Variants in BORCS5 observed in about 807,000 individuals in gnomAD.
BORCS5 encodes the protein BLOC-1-related complex subunit 5.
BORCS5 carries 17 observed loss-of-function variants against 22.1 expected under a neutral mutation model. The observed-to-expected ratio is 0.77, with a 90% CI of 0.53 to 1.15. The LOEUF is 1.15. BORCS5 is among the 50% of genes most tolerant of loss of function. The pLI, the probability that BORCS5 is intolerant of heterozygous loss-of-function variation, is 0.00. For missense variants in BORCS5, 247 were observed against 253.2 expected, an observed-to-expected ratio of 0.98 and a Z score of 0.17; for synonymous variants, 117 against 99.8, an observed-to-expected ratio of 1.17 and a Z score of -1.03.
rs187475813 is a variant in BORCS5 at position 12,374,755 on chromosome 12, T to G, written c.202+13406T>G. Among the ~76,000 whole-genome samples, 787 of 151,970 alleles carry G rather than the reference T, an allele frequency of 5.2e-3. 6 individuals are homozygous for G. The highest frequency in any genetic ancestry group is 0.018 in the African/African-American group (730 of 41,466). ...GGTGGATCACTTGAGGTCAGGAGTT[T>G]GAGACCACCCTGGCCAACATGGTGA... On this transcript the variant is annotated intron_variant, in intron 2 of 3. Coordinates refer to ENST00000314565, the MANE Select transcript of BORCS5 (RefSeq NM_058169.6).
chr12:12,395,410 A>G (rs1304842388), intron 2 of BORCS5, among the ~76,000 whole-genome samples: 4 of 149,830 alleles, frequency 2.7e-5, no homozygotes, highest in Non-Finnish European at 3.0e-5. Flanking sequence ...CTGGGAATAC[A>G]GGTGCGTACC....
intron 2 of BORCS5, among the ~76,000 whole-genome samples, chr12:12,408,438 T>G (rs1941641015): frequency 6.6e-6 from 1 of 152,226 alleles, no homozygotes; most frequent in South Asian, 2.1e-4. Flanking sequence ...TTTTTAAGTA[T>G]AAGTTCAGTG....
chr12:12,360,883 G>A (rs1031017266), intron 1 of BORCS5, among the ~76,000 whole-genome samples: 7 of 151,962 alleles, frequency 4.6e-5, no homozygotes, highest in African/African-American at 1.4e-4. Flanking sequence ...ACCATGCCCC[G>A]CTAATTTTTG....
At chr12:12,418,879 C>G (rs1181497870) in intron 2 of BORCS5, among the ~76,000 whole-genome samples, 1 of 152,102 alleles carries the variant, frequency 6.6e-6, no homozygotes, top group East Asian at 1.9e-4. Flanking sequence ...TTAACTGATA[C>G]AGTGGCACTT....
At chr12:12,375,667 AT>A (rs200102658) in intron 2 of BORCS5, among the ~76,000 whole-genome samples, 5 of 152,114 alleles carry the variant, frequency 3.3e-5, no homozygotes, top group African/African-American at 4.8e-5. Context: ...ACGTTTAAAT[AT>A]TTTTTCCATC....
chr12:12,357,614 A>G, intron 1 of BORCS5, 105 bp downstream of exon 1: 1 of 1,274,516 alleles, frequency 7.8e-7, no homozygotes, highest in Non-Finnish European at 1.1e-6. Flanking sequence ...ACGCACAGAA[A>G]AAGCCTTCAC....
chr12:12,407,884 A>G (rs1402641412), intron 2 of BORCS5, among the ~76,000 whole-genome samples: 1 of 151,632 alleles, frequency 6.6e-6, no homozygotes, highest in Non-Finnish European at 1.5e-5. Flanking sequence ...TAATTTTTGT[A>G]TATTTTGTAG....
At chr12:12,428,133 T>A (rs937288034) in intron 2 of BORCS5, among the ~76,000 whole-genome samples, 1 of 152,224 alleles carries the variant, frequency 6.6e-6, no homozygotes, top group Non-Finnish European at 1.5e-5. Context: ...TAATACTGAT[T>A]TCTAGTCCTA....
At chr12:12,370,850 G>A (rs1863510783) in intron 2 of BORCS5, among the ~76,000 whole-genome samples, 2 of 151,870 alleles carry the variant, frequency 1.3e-5, no homozygotes, top group African/African-American at 4.8e-5. Context: ...CTGGGTTCAC[G>A]CCATTCTCCT....
rs529381595 is a variant in BORCS5, at chr12:12,415,802, T to C, written c.203-19826T>C. Among the ~76,000 whole-genome samples, 8 of 152,162 alleles carry C rather than the reference T, an allele frequency of 5.3e-5. No individual in the cohort carries two copies. In the South Asian group the frequency reaches 1.2e-3, roughly 24 times the overall value. ...TCTACAGTTTTCTTTTCTTGTAGTG[T>C]TTTTGTCTTGCTTTGGAATCAGGGT... is the stretch of plus-strand genomic sequence containing the variant. On this transcript the variant is annotated intron_variant, in intron 2 of 3. Transcript: ENST00000314565.
Position 12,372,454 on chromosome 12 carries a change from G to A in BORCS5, c.202+11105G>A, listed in dbSNP as rs150911041. ...CAACCCCCCTGGGCTCAAGCAAACC[G>A]CCTGCTTCAGTCCACCAAATTGTTG... On this transcript the variant is annotated intron_variant, in intron 2 of 3. Coordinates refer to ENST00000314565, the MANE Select transcript of BORCS5 (RefSeq NM_058169.6). 1.7e-3 allele frequency among the ~76,000 whole-genome samples: 261 copies of A among 152,154 alleles called. 2 individuals are homozygous for A. Among genetic ancestry groups the A allele is most frequent in the East Asian group, 0.013 (65 of 5,180 alleles).
intron 2 of BORCS5, among the ~76,000 whole-genome samples, chr12:12,370,655 A>G (rs1863505854): frequency 6.6e-6 from 1 of 152,146 alleles, no homozygotes; most frequent in Non-Finnish European, 1.5e-5. Flanking sequence ...ATTTTATCCA[A>G]TGAGTTGTAT....
rs528477215 is a variant in BORCS5, at chr12:12,431,110, G to A, written c.203-4518G>A. ...TAGTGGTGAAGCTGTTGCATCAGAG[G>A]CTATGCATTTGTAATTTTGTTATCC... On this transcript the variant is annotated intron_variant, in intron 2 of 3. Transcript: ENST00000314565. Among the ~76,000 whole-genome samples, 17 of 152,274 alleles carry A rather than the reference G, an allele frequency of 1.1e-4. No individual in the cohort carries two copies. In the South Asian group the frequency reaches 3.5e-3, roughly 32 times the overall value.
chr12:12,410,620 G>T (rs1272493478), intron 2 of BORCS5, among the ~76,000 whole-genome samples: 1 of 152,096 alleles, frequency 6.6e-6, no homozygotes, highest in Non-Finnish European at 1.5e-5. Context: ...TGCTGTTTTG[G>T]TTACTGTAGC....
chr12:12,441,345 AG>A (rs1338228629), intron 3 of BORCS5, among the ~76,000 whole-genome samples: 1 of 152,224 alleles, frequency 6.6e-6, no homozygotes, highest in Non-Finnish European at 1.5e-5. Flanking sequence ...CACACTGCCA[AG>A]GTTCAATCCT....
chr12:12,449,610 C>G (rs142211559), intron 3 of BORCS5, among the ~76,000 whole-genome samples: 2,477 of 152,220 alleles, frequency 0.016, 69 homozygotes, highest in African/African-American at 0.057. Context: ...AAATTCCTGC[C>G]GTTCTGATAT....
intron 2 of BORCS5, among the ~76,000 whole-genome samples, chr12:12,383,526 A>G (rs1443741401): frequency 6.6e-6 from 1 of 151,044 alleles, no homozygotes; most frequent in Non-Finnish European, 1.5e-5. Flanking sequence ...TACCCTGAAA[A>G]GACTTTTGTT....
chr12:12,361,281 G>A lies in BORCS5; in HGVS notation c.134G>A (p.Arg45Gln), dbSNP rs144877374. 9.9e-5 allele frequency: 160 copies of A among 1,614,020 alleles called. No individual in the cohort carries two copies. Among genetic ancestry groups the A allele is most frequent in the Non-Finnish European group, 2.5e-5 (29 of 1,180,030 alleles). ...VVVAQGSQAS[R>Q]NVSNDPDVIK... The stretch of plus-strand genomic sequence containing the variant: ...GTAGCTCAGGGCTCCCAGGCCTCAC[G>A]GAACGTCAGCAACGATCCCGATGTC... The change falls in exon 2 of 4, where the codon CGG becomes CAG. Residue 45 changes from arginine (R) to glutamine (Q), a missense_variant. Transcript: ENST00000314565.
intron 2 of BORCS5, among the ~76,000 whole-genome samples, chr12:12,420,669 A>G (rs1405776561): frequency 6.6e-6 from 1 of 152,196 alleles, no homozygotes; most frequent in Non-Finnish European, 1.5e-5. Context: ...GATTCTTTGT[A>G]TCCGTGAGCA....
Sources: gnomAD v4.1 joint callset for allele counts (sites outside exome capture counted in the v4.1 genomes callset) on GRCh38, gnomAD v4.1.1 for gene constraint, MANE v1.5 for transcripts, NCBI Gene and HGNC (gene_info 2026-07-23, HGNC 2026-07-21) for gene names.